EZH2: variants seen among roughly 807,000 people sequenced by gnomAD.
EZH2 encodes histone-lysine N-methyltransferase EZH2.
Under a neutral mutation model 98.4 loss-of-function variants are expected in EZH2, and 18 were observed. That is an observed-to-expected ratio of 0.18 (90% CI 0.13 to 0.27). The LOEUF (loss-of-function observed/expected upper bound fraction) is 0.27, where lower values mean the gene tolerates loss of function less well. Ranked by LOEUF, EZH2 falls within the 10% of genes least tolerant of loss-of-function variation. EZH2 has a pLI of 1.00. For missense variants in EZH2, 470 were observed against 935.1 expected (o/e 0.50, Z 6.49); for synonymous variants, 338 against 312.3 (o/e 1.08, Z -0.87).
At chr7:148,857,644 G>C (rs1477680399) in intron 1 of EZH2, among the ~76,000 whole-genome samples, 1 of 152,124 alleles carries the variant, frequency 6.6e-6, no homozygotes, top group African/African-American at 2.4e-5. Context: ...CCAGCTACTT[G>C]GGAGGCTAAG....
At chr7:148,883,664 C>G (rs1405302273) in intron 1 of EZH2, among the ~76,000 whole-genome samples, 1 of 151,308 alleles carries the variant, frequency 6.6e-6, no homozygotes, top group African/African-American at 2.4e-5. Context: ...GCCCCTTCCC[C>G]TCGCGCCGAG....
Position 148,807,599 on chromosome 7 carries a change from G to A in EZH2, c.*47C>T. 6.7e-7 allele frequency: 1 copy of A among 1,491,290 alleles called. No individual in the cohort carries two copies. The highest frequency in any genetic ancestry group is 9.2e-7 in the Non-Finnish European group (1 of 1,092,044). 92.4% of individuals were successfully genotyped at this position (1,491,290 alleles called of 1,614,324 possible). ...ATTGCCCACAGTACTCGAGGTTCCT[G>A]AAGCTAAGGCAGCTGTTTCAGAGGA... On this transcript the variant is annotated 3_prime_UTR_variant, in exon 20 of 20. Transcript: ENST00000320356.
At position 148,832,591 on chromosome 7, in the gene EZH2, A is replaced by G. The variant is rs141959864; in HGVS notation, c.363+43T>C. ...AATTATCTATGCTTTTTTACTTCAA[A>G]TAAGTTATTATCAAATAAGCAGAAG... On this transcript the variant is annotated intron_variant, in intron 4 of 19. Coordinates refer to ENST00000320356, the MANE Select transcript of EZH2 (RefSeq NM_004456.5). 1,588 of 1,048,032 alleles carry G rather than the reference A, an allele frequency of 1.5e-3. 15 individuals are homozygous for G. In the African/African-American group the frequency reaches 0.018, roughly 12 times the overall value. The allele number at this position is 1,048,032 out of a possible 1,614,324, so 64.9% of individuals were successfully genotyped here.
Position 148,810,397 on chromosome 7 carries a change from T to C in EZH2, c.1965A>G (p.Glu655=), listed in dbSNP as rs750267439. 9 of 1,609,480 alleles carry C rather than the reference T, an allele frequency of 5.6e-6. No individual in the cohort carries two copies. The South Asian group carries it at 9.9e-5, about 18-fold the overall frequency. ...EYCGEIISQD[E]ADRRGKVYDK... ...CATACACTTTCCCTCTTCTGTCAGCTTCATCTTGAGAAATAATCTAAAAAG... is the reference window on the plus strand; with the variant it reads ...CATACACTTTCCCTCTTCTGTCAGCCTCATCTTGAGAAATAATCTAAAAAG... The change falls in exon 17 of 20, where the codon GAA becomes GAG. Residue 655 remains glutamate (E), a synonymous_variant. Coordinates refer to ENST00000320356, the MANE Select transcript of EZH2 (RefSeq NM_004456.5).
At position 148,846,459 on chromosome 7, in the gene EZH2, T is replaced by C. The variant is rs750940374; in HGVS notation, c.246+11A>G. The C allele has an allele frequency of 2.5e-6, 4 of 1,607,382 alleles. No homozygotes were observed. The highest frequency in any genetic ancestry group is 1.7e-6 in the Non-Finnish European group (2 of 1,177,022). On this transcript the variant is annotated intron_variant, in intron 3 of 19. Coordinates refer to ENST00000320356, the MANE Select transcript of EZH2 (RefSeq NM_004456.5). ...TGATGATAATTACTACAACATGTTATGTTAACCAACCTCCCTAGTCCCGCG... is the reference window on the plus strand; with the variant it reads ...TGATGATAATTACTACAACATGTTACGTTAACCAACCTCCCTAGTCCCGCG...
Position 148,819,159 on chromosome 7 carries a change from T to A in EZH2, c.999+437A>T, listed in dbSNP as rs901376426. 6.5e-4 allele frequency: 225 copies of A among 346,780 alleles called. 1 individual carries two copies. Among genetic ancestry groups the A allele is most frequent in the Non-Finnish European group, 9.4e-4 (166 of 176,680 alleles). The allele number at this position is 346,780 out of a possible 1,614,324, so 21.5% of individuals were successfully genotyped here. A position where few individuals can be genotyped will look rare whatever the true frequency, so the allele number is the denominator to read the frequency against. On this transcript the variant is annotated intron_variant, in intron 9 of 19. Coordinates refer to ENST00000320356, the MANE Select transcript of EZH2 (RefSeq NM_004456.5). Reference sequence around the variant, plus strand: ...AACCCCTTACCTGTTCTCCATCATTTAAAAAAAAAAAATCTGTGGAACCTA... The same window carrying A: ...AACCCCTTACCTGTTCTCCATCATTAAAAAAAAAAAAATCTGTGGAACCTA...
At chr7:148,844,034 C>G (rs1813282029) in intron 3 of EZH2, among the ~76,000 whole-genome samples, 1 of 152,156 alleles carries the variant, frequency 6.6e-6, no homozygotes, top group Admixed American at 6.5e-5. Context: ...TAAAACAATG[C>G]TATAATGGCA....
chr7:148,830,699 T>TA (rs1809133452), intron 4 of EZH2, among the ~76,000 whole-genome samples: 1 of 152,226 alleles, frequency 6.6e-6, no homozygotes, highest in South Asian at 2.1e-4. Flanking sequence ...GATGAGTTTT[T>TA]ATCAAGCTTT....
chr7:148,825,802 T>G (rs1807529039), intron 8 of EZH2, among the ~76,000 whole-genome samples: 1 of 152,196 alleles, frequency 6.6e-6, no homozygotes, highest in Admixed American at 6.5e-5. Flanking sequence ...TTAGGAAGTA[T>G]TAAATACATT....
chr7:148,812,710 G>GA (rs1187962356), intron 15 of EZH2, among the ~76,000 whole-genome samples: 1 of 152,130 alleles, frequency 6.6e-6, no homozygotes, highest in African/African-American at 2.4e-5. Context: ...GTTTGGGGGG[G>GA]AAATTGAGAT....
intron 19 of EZH2, among the ~76,000 whole-genome samples, chr7:148,808,202 G>A (rs570351062): frequency 2.6e-5 from 4 of 152,332 alleles, no homozygotes; most frequent in South Asian, 2.1e-4. Context: ...CATGGGGGGT[G>A]AGGCCACCGG....
chr7:148,821,808 G>A (rs1410754750), intron 8 of EZH2, among the ~76,000 whole-genome samples: 1 of 152,250 alleles, frequency 6.6e-6, no homozygotes, highest in Non-Finnish European at 1.5e-5. Context: ...TGGCCTGGGT[G>A]ACAGAGCAAG....
At chr7:148,869,253 AG>A (rs1818969703) in intron 1 of EZH2, among the ~76,000 whole-genome samples, 1 of 152,124 alleles carries the variant, frequency 6.6e-6, no homozygotes, top group Admixed American at 6.6e-5. Context: ...AACTCTCCAA[AG>A]AAATAGTTTG....
chr7:148,866,902 T>C (rs920742857), intron 1 of EZH2, among the ~76,000 whole-genome samples: 1 of 149,728 alleles, frequency 6.7e-6, no homozygotes, highest in Non-Finnish European at 1.5e-5. Flanking sequence ...TTGGTAGAGA[T>C]GGGGTTTCAC....
chr7:148,865,594 G>A (rs1156466152), intron 1 of EZH2, among the ~76,000 whole-genome samples: 1 of 152,144 alleles, frequency 6.6e-6, no homozygotes, highest in African/African-American at 2.4e-5. Flanking sequence ...GAAGAGCAAT[G>A]ATCTGTTCTC....
rs1446361012 is a variant in EZH2, at chr7:148,829,763, A to T, written c.449T>A (p.Ile150Lys). Residue 150 changes from isoleucine to lysine, a missense_variant, in exon 5 of 20, where the codon ATA (isoleucine) becomes AAA (lysine). Physicochemically the swap from Ile to Lys is moderately radical, Grantham distance 102. Around this residue, in one of 6 missense-constraint regions of EZH2, gnomAD observed 21 missense variants for 84.2 expected, o/e 0.25. Transcript: ENST00000320356. ...GTGTACTTTCCCATCATAATTTTTT[A>T]TTAGTTCTTCAATGAAAGTACCATC... ...DQDGTFIEEL[I>K]KNYDGKVHGD... 6.2e-7 allele frequency: 1 copy of T among 1,610,434 alleles called. No homozygotes were observed. Among genetic ancestry groups the T allele is most frequent in the Non-Finnish European group, 8.5e-7 (1 of 1,178,800 alleles).
chr7:148,826,531 C>G lies in EZH2; in HGVS notation c.830G>C (p.Ser277Thr). ...GAAAAGCGTATGAAAGGAGTGTAAG[C>G]TTTGCTCTCTCTGAACAGATTTAGC... is the stretch of plus-strand genomic sequence containing the variant. ...PNAKSVQREQ[S>T]LHSFHTLFCR... The change falls in exon 8 of 20, where the codon AGC becomes ACC. Residue 277 changes from serine (S) to threonine (T), a missense_variant. Ser to Thr is a moderately conservative substitution (Grantham distance 58). Transcript: ENST00000320356. 6.2e-7 allele frequency: 1 copy of G among 1,606,336 alleles called. No individual in the cohort carries two copies. The highest frequency in any genetic ancestry group is 8.5e-7 in the Non-Finnish European group (1 of 1,175,090).
At chr7:148,833,380 C>G (rs1256671277) in intron 3 of EZH2, among the ~76,000 whole-genome samples, 1 of 151,468 alleles carries the variant, frequency 6.6e-6, no homozygotes, top group Non-Finnish European at 1.5e-5. Flanking sequence ...TGGCGTGAAC[C>G]CGGGAGGCGG....
At chr7:148,854,984 G>A (rs1816572318) in intron 1 of EZH2, among the ~76,000 whole-genome samples, 1 of 152,230 alleles carries the variant, frequency 6.6e-6, no homozygotes, top group Admixed American at 6.5e-5. Context: ...AAGAGAAACA[G>A]ATCCTATGCC....
Sources: gnomAD v4.1 joint callset for allele counts (sites outside exome capture counted in the v4.1 genomes callset) on GRCh38, gnomAD v4.1.1 for gene constraint, gnomAD v4.1.1 regional missense constraint, MANE v1.5 for transcripts, NCBI Gene and HGNC (gene_info 2026-07-23, HGNC 2026-07-21) for gene names.